CBX5: variants seen among roughly 807,000 people sequenced by gnomAD.
CBX5 encodes the protein chromobox 5, also known as chromobox protein homolog 5.
Under a neutral mutation model 20.7 loss-of-function variants are expected in CBX5, and 7 were observed. The ratio of observed to expected loss-of-function variants is 0.34; its 90% confidence interval spans 0.19 to 0.63. The LOEUF (loss-of-function observed/expected upper bound fraction) is 0.63, where lower values mean the gene tolerates loss of function less well. Among genes scored for constraint, CBX5 ranks in the 30% least tolerant of loss-of-function variants. The pLI is 0.75. For synonymous variants in CBX5, 78 were observed against 77.0 expected (o/e 1.01, Z -0.07); for missense variants, 110 against 224.1 (o/e 0.49, Z 3.25).
At chr12:54,269,754 C>T (rs1237407838) in intron 1 of CBX5, among the ~76,000 whole-genome samples, 6 of 152,116 alleles carry the variant, frequency 3.9e-5, no homozygotes, top group African/African-American at 7.2e-5. Context: ...AGAGATAGGG[C>T]TAGTAAGGTT....
At chr12:54,257,440 T>C (rs1943871365) in intron 2 of CBX5, 74 bp downstream of exon 2, 1 of 1,496,616 alleles carries the variant, frequency 6.7e-7, no homozygotes, top group South Asian at 1.2e-5. Context: ...AAAATGCTTG[T>C]GATTCCTAAG....
intron 4 of CBX5, among the ~76,000 whole-genome samples, chr12:54,245,399 C>T (rs527465500): frequency 6.6e-6 from 1 of 152,144 alleles, no homozygotes; most frequent in African/African-American, 2.4e-5. Context: ...AAGCATAATT[C>T]CCATTTAACA....
At position 54,257,659 on chromosome 12, in the gene CBX5, C is replaced by T. The variant is rs1943875084; in HGVS notation, c.-9G>A. 1 of 1,614,026 alleles carries T rather than the reference C, an allele frequency of 6.2e-7. No homozygotes were observed. The highest frequency in any genetic ancestry group is 1.7e-5 in the Admixed American group (1 of 59,998). ...TTGGTTTTCTTTCCCATGTCGCACA[C>T]CGTTCCACCTGAAAGACTAAGGCCA... is the stretch of plus-strand genomic sequence containing the variant. On this transcript the variant is annotated 5_prime_UTR_variant, in exon 2 of 5. The change creates a new upstream start codon in the 5' untranslated region. Transcript: ENST00000209875.
At chr12:54,269,804 A>T (rs984526092) in intron 1 of CBX5, among the ~76,000 whole-genome samples, 3 of 152,084 alleles carry the variant, frequency 2.0e-5, no homozygotes, top group Non-Finnish European at 4.4e-5. Context: ...AGGTCTCATT[A>T]TGTTTCCTGG....
In CBX5 at chr12:54,257,628, G is replaced by A; in HGVS notation, c.23C>T (p.Thr8Ile). Residue 8 changes from threonine to isoleucine, a missense_variant, in exon 2 of 5, where the codon ACA (threonine) becomes ATA (isoleucine). Physicochemically the swap from Thr to Ile is moderately conservative, Grantham distance 89 (BLOSUM62 -1). Coordinates refer to ENST00000209875, the MANE Select transcript of CBX5 (RefSeq NM_012117.3). MGKKTKRTADSSSSEDEE... is the reference protein window; with the variant it reads MGKKTKRIADSSSSEDEE... ...ATCCTCTGAAGAAGAACTGTCAGCT[G>A]TCCGCTTGGTTTTCTTTCCCATGTC... The A allele has an allele frequency of 1.2e-6, 2 of 1,614,198 alleles. No homozygotes were observed. Among genetic ancestry groups the A allele is most frequent in the Non-Finnish European group, 1.7e-6 (2 of 1,180,038 alleles).
intron 2 of CBX5, 184 bp from the exon 3 acceptor site, chr12:54,252,411 CCACA>C (rs1202117739): frequency 2.1e-6 from 1 of 470,656 alleles, no homozygotes; most frequent in African/African-American, 2.1e-5. Context: ...AAAAAAAAGC[CCACA>C]CAAAGACTTA....
In CBX5 at chr12:54,239,007, C is replaced by A. The variant is rs1053905100; in HGVS notation, c.*2748G>T. 2.0e-5 allele frequency: 3 copies of A among 152,210 alleles called. No individual in the cohort carries two copies. The highest frequency in any genetic ancestry group is 2.9e-5 in the Non-Finnish European group (2 of 68,040). 9.4% of individuals were successfully genotyped at this position (152,210 alleles called of 1,614,324 possible). On this transcript the variant is annotated 3_prime_UTR_variant, in exon 5 of 5. Transcript: ENST00000209875. The stretch of plus-strand genomic sequence containing the variant: ...TTCTTCTAGGGCAAGAACATCTACT[C>A]AACACTAACAAATGCTGGAAGCAGG...
intron 2 of CBX5, among the ~76,000 whole-genome samples, chr12:54,253,419 A>C (rs1943829187): frequency 6.6e-6 from 1 of 152,026 alleles, no homozygotes. Flanking sequence ...TATCTCAAAA[A>C]AAAACAATAA....
At chr12:54,254,062 A>G (rs1565870210) in intron 2 of CBX5, among the ~76,000 whole-genome samples, 1 of 152,078 alleles carries the variant, frequency 6.6e-6, no homozygotes, top group Non-Finnish European at 1.5e-5. Flanking sequence ...GAATTGTACA[A>G]TTTCAATGGG....
intron 1 of CBX5, among the ~76,000 whole-genome samples, chr12:54,260,150 AAAC>A (rs1217762236): frequency 1.3e-5 from 2 of 151,092 alleles, no homozygotes; most frequent in African/African-American, 4.9e-5. Context: ...AGCACTACCA[AAAC>A]AACAACCAAA....
rs1198642357 is a variant in CBX5, at chr12:54,246,123, T to C, written c.417A>G (p.Leu139=). Residue 139 remains leucine (L), a synonymous_variant, in exon 4 of 5, where the codon CTA becomes CTG. Coordinates refer to ENST00000209875, the MANE Select transcript of CBX5 (RefSeq NM_012117.3). ...ATDSCGDLMF[L]MKWKDTDEAD... The stretch of plus-strand genomic sequence containing the variant: ...AGCCAAATCTCTCTCACCATTTCAT[T>C]AGGAACATTAAATCACCACAGGAAT... 1.2e-6 allele frequency: 2 copies of C among 1,608,016 alleles called. No homozygotes were observed. Among genetic ancestry groups the C allele is most frequent in the Non-Finnish European group, 1.7e-6 (2 of 1,174,628 alleles).
intron 1 of CBX5, among the ~76,000 whole-genome samples, chr12:54,279,624 C>T (rs1944110833): frequency 6.6e-6 from 1 of 152,178 alleles, no homozygotes; most frequent in African/African-American, 2.4e-5. Flanking sequence ...CGCCCGATCC[C>T]GCATTCCCCA....
At position 54,234,351 on chromosome 12, in the gene CBX5, G is replaced by A. The variant is rs1943598862; in HGVS notation, c.*7404C>T. 6.6e-6 allele frequency: 1 copy of A among 151,572 alleles called. No homozygotes were observed. The highest frequency in any genetic ancestry group is 1.5e-5 in the Non-Finnish European group (1 of 67,982). 9.4% of individuals were successfully genotyped at this position (151,572 alleles called of 1,614,324 possible). Reference sequence around the variant, plus strand: ...TGATCTTTTGGCAATGACAGTTTAGGTTAACTCTGTTTGGAATTCCTAAAA... The same window carrying A: ...TGATCTTTTGGCAATGACAGTTTAGATTAACTCTGTTTGGAATTCCTAAAA... On this transcript the variant is annotated 3_prime_UTR_variant, in exon 5 of 5. Coordinates refer to ENST00000209875, the MANE Select transcript of CBX5 (RefSeq NM_012117.3).
rs917664344 is a variant in CBX5 at position 54,234,287 on chromosome 12, T to G, written c.*7468A>C. 6.7e-6 allele frequency: 1 copy of G among 148,386 alleles called. No individual in the cohort carries two copies. The highest frequency in any genetic ancestry group is 1.5e-5 in the Non-Finnish European group (1 of 67,388). The allele number at this position is 148,386 out of a possible 1,614,324, so 9.2% of individuals were successfully genotyped here. ...TTTTTTTTTCCTCACTGATAGCTGA[T>G]CACATTAAACAGGTACAGGTGCTAA... On this transcript the variant is annotated 3_prime_UTR_variant, in exon 5 of 5. Transcript: ENST00000209875.
intron 1 of CBX5, among the ~76,000 whole-genome samples, chr12:54,279,688 C>T (rs1454182434): frequency 1.3e-5 from 2 of 152,200 alleles, no homozygotes; most frequent in Non-Finnish European, 2.9e-5. Flanking sequence ...GCGCTTCCTG[C>T]TCACTGGCTC....
intron 1 of CBX5, among the ~76,000 whole-genome samples, chr12:54,274,661 C>T (rs972806958): frequency 6.6e-6 from 1 of 152,052 alleles, no homozygotes; most frequent in African/African-American, 2.4e-5. Context: ...TCAATAGAGC[C>T]GGGCACAGTG....
In CBX5 at chr12:54,280,087, G is replaced by C; in HGVS notation, c.-122C>G. 6.3e-6 allele frequency: 1 copy of C among 159,140 alleles called. No homozygotes were observed. The highest frequency in any genetic ancestry group is 1.4e-5 in the Non-Finnish European group (1 of 71,454). The allele number at this position is 159,140 out of a possible 1,614,324, so 9.9% of individuals were successfully genotyped here. ...GGCCGCACCACAAGCCACCACCGCC[G>C]CCGCCTTCTGCGCAACGCCAACCGC... On this transcript the variant is annotated 5_prime_UTR_variant, in exon 1 of 5. Transcript: ENST00000209875.
rs150329304 is a variant in CBX5 at position 54,279,201 on chromosome 12, C to T, written c.-43+807G>A. ...TCAGGAAGGAGATATTTCTTGAACG[C>T]CTTTCCATGACAGTACATAGAGATT... On this transcript the variant is annotated intron_variant, in intron 1 of 4. Coordinates refer to ENST00000209875, the MANE Select transcript of CBX5 (RefSeq NM_012117.3). The T allele has an allele frequency of 1.5e-3, 234 of 152,224 alleles. 2 individuals are homozygous for T. The highest frequency in any genetic ancestry group is 5.3e-3 in the African/African-American group (221 of 41,526). 9.4% of individuals were successfully genotyped at this position (152,224 alleles called of 1,614,324 possible). A position where few individuals can be genotyped will look rare whatever the true frequency, so the allele number is the denominator to read the frequency against.
chr12:54,270,304 G>A (rs1943997464), intron 1 of CBX5, among the ~76,000 whole-genome samples: 1 of 152,070 alleles, frequency 6.6e-6, no homozygotes, highest in Admixed American at 6.5e-5. Flanking sequence ...TTTTGAGATA[G>A]GGTCTCTGCC....
Sources: gnomAD v4.1 joint callset for allele counts (sites outside exome capture counted in the v4.1 genomes callset) on GRCh38, gnomAD v4.1.1 for gene constraint, MANE v1.5 for transcripts, NCBI Gene and HGNC (gene_info 2026-07-23, HGNC 2026-07-21) for gene names.